Variants in LARP1 observed in about 807,000 individuals in gnomAD.
LARP1 encodes La ribonucleoprotein 1, translational regulator, also known as la-related protein 1.
LARP1 carries 36 observed loss-of-function variants against 122.7 expected under a neutral mutation model. The ratio of observed to expected loss-of-function variants is 0.29; its 90% CI spans 0.22 to 0.39. The LOEUF (loss-of-function observed/expected upper bound fraction) is 0.39. Among genes scored for constraint, LARP1 ranks in the 10% least tolerant of loss-of-function variants. The probability of loss-of-function intolerance (pLI) is 1.00; values close to 1 mark genes in which losing one functional copy is unlikely to be tolerated. For synonymous variants in LARP1, 539 were observed against 528.7 expected (o/e 1.02, Z -0.27); for missense variants, 1,040 against 1,403.6 (o/e 0.74, Z 4.14).
intron 1 of LARP1, among the ~76,000 whole-genome samples, chr5:154,693,075 T>C (rs1582146243): frequency 6.6e-6 from 1 of 150,694 alleles, no homozygotes; most frequent in Non-Finnish European, 1.5e-5. Context: ...TCCTCCTGCC[T>C]CAGCCTCCCA....
chr5:154,804,349 G>A, intron 14 of LARP1, 42 bp downstream of exon 14: 1 of 1,420,588 alleles, frequency 7.0e-7, no homozygotes, highest in South Asian at 1.1e-5. Context: ...GCTGCCTATG[G>A]GATGGGTGGG....
At chr5:154,780,522 A>T (rs779039191) in intron 1 of LARP1, among the ~76,000 whole-genome samples, 1 of 152,178 alleles carries the variant, frequency 6.6e-6, no homozygotes, top group Non-Finnish European at 1.5e-5. Flanking sequence ...TTTGCCAAAG[A>T]GCTCTAGATT....
intron 1 of LARP1, among the ~76,000 whole-genome samples, chr5:154,760,233 G>T (rs775116772): frequency 5.3e-5 from 8 of 152,136 alleles, no homozygotes; most frequent in African/African-American, 7.2e-5. Flanking sequence ...GTGAGCCACC[G>T]CGCCCGGCCC....
chr5:154,755,199 T>C (rs1215366444), upstream of LARP1, among the ~76,000 whole-genome samples: 1 of 148,486 alleles, frequency 6.7e-6, no homozygotes, highest in Non-Finnish European at 1.5e-5. Flanking sequence ...CAGGACCGCG[T>C]AGCCGTGCGC....
rs140273694 is a variant in LARP1, at chr5:154,747,054, C to T, written c.205+33924C>T. ...GCTGAGGCAGAGAATTGCTTGAACCCGGGAGGCGGAGGGTGCAGTGAGCCG... is the reference window on the plus strand; with the variant it reads ...GCTGAGGCAGAGAATTGCTTGAACCTGGGAGGCGGAGGGTGCAGTGAGCCG... On this transcript the variant is annotated intron_variant, in intron 1 of 18. Transcript: ENST00000336314. 5.9e-5 allele frequency among the ~76,000 whole-genome samples: 9 copies of T among 152,104 alleles called. No individual in the cohort carries two copies. In the South Asian group the frequency reaches 1.0e-3, roughly 18 times the overall value.
At position 154,755,984 on chromosome 5, in the gene LARP1, C is replaced by T. The variant is rs1173699731; in HGVS notation, c.227C>T (p.Pro76Leu). The change falls in exon 1 of 19, where the codon CCG (proline) becomes CTG (leucine). Residue 76 changes from proline to leucine, a missense_variant. Pro to Leu is a moderately conservative substitution (Grantham distance 98). Transcript: ENST00000518297. ...EGTGQQERES[P>L]RPLQLPGAEG... ...ACCGGGCAGCAGGAGCGCGAGAGCC[C>T]GCGGCCGCTGCAGCTGCCCGGCGCC... The T allele has an allele frequency of 3.0e-6, 3 of 1,005,814 alleles. No homozygotes were observed. The Admixed American group carries it at 1.8e-4, about 62-fold the overall frequency. 62.3% of individuals were successfully genotyped at this position (1,005,814 alleles called of 1,614,324 possible).
At chr5:154,759,972 C>A (rs1025408884) in intron 1 of LARP1, among the ~76,000 whole-genome samples, 6 of 152,100 alleles carry the variant, frequency 3.9e-5, no homozygotes, top group Non-Finnish European at 8.8e-5. Flanking sequence ...GACAGTCTGG[C>A]TCTGTCGCCC....
intron 1 of LARP1, among the ~76,000 whole-genome samples, chr5:154,691,412 C>G (rs1309905662): frequency 6.6e-6 from 1 of 152,308 alleles, no homozygotes; most frequent in African/African-American, 2.4e-5. Flanking sequence ...CCCTTTCCCC[C>G]GTCTCTGCAG....
chr5:154,795,620 C>T (rs565513266), intron 8 of LARP1, among the ~76,000 whole-genome samples: 1 of 151,934 alleles, frequency 6.6e-6, no homozygotes, highest in South Asian at 2.1e-4. Context: ...TTTATTCTCA[C>T]ATACTACATT....
intron 1 of LARP1, among the ~76,000 whole-genome samples, chr5:154,723,321 G>A (rs1381227097): frequency 6.6e-6 from 1 of 152,184 alleles, no homozygotes; most frequent in Non-Finnish European, 1.5e-5. Flanking sequence ...GAACCCTTGG[G>A]CCATAAGTGG....
intron 1 of LARP1, among the ~76,000 whole-genome samples, chr5:154,770,278 A>T (rs183320051): frequency 6.0e-5 from 9 of 150,928 alleles, no homozygotes; most frequent in African/African-American, 1.7e-4. Context: ...AGACTAGACC[A>T]CTTAAAGAGG....
chr5:154,779,958 G>A (rs867107767), intron 1 of LARP1, among the ~76,000 whole-genome samples: 2 of 152,126 alleles, frequency 1.3e-5, no homozygotes, highest in African/African-American at 4.8e-5. Flanking sequence ...TTCCCAGTTG[G>A]GTTGTAGCAT....
chr5:154,793,483 A>G (rs1757498362), intron 4 of LARP1, 112 bp from the exon 5 acceptor site: 1 of 1,343,344 alleles, frequency 7.4e-7, no homozygotes, highest in East Asian at 2.3e-5. Context: ...GCCCAAGGTA[A>G]CCAGATTGTG....
chr5:154,742,359 C>G lies in LARP1; in HGVS notation c.205+29229C>G, dbSNP rs200502836. Among the ~76,000 whole-genome samples, 45 of 152,158 alleles carry G rather than the reference C, an allele frequency of 3.0e-4. No homozygotes were observed. The East Asian group carries it at 8.1e-3, about 27-fold the overall frequency. On this transcript the variant is annotated intron_variant, in intron 1 of 18. Coordinates refer to the LARP1 transcript ENST00000336314. ...GGTGGATCACTTGAGGCCAGGGGTT[C>G]GAGACCAGCCTGGCCAACATGGCGA...
upstream of LARP1, chr5:154,712,753 G>C (rs376663722): frequency 2.8e-5 from 17 of 616,904 alleles, no homozygotes; most frequent in East Asian, 3.9e-4. Context: ...AGGTGGGGTA[G>C]CCTTGCTCGG....
intron 1 of LARP1, among the ~76,000 whole-genome samples, chr5:154,715,969 A>T (rs1365792235): frequency 6.6e-6 from 1 of 152,202 alleles, no homozygotes; most frequent in African/African-American, 2.4e-5. Flanking sequence ...AAATAAAATT[A>T]CTCAGACAAG....
chr5:154,701,803 A>G (rs1371910663), intron 1 of LARP1, among the ~76,000 whole-genome samples: 2 of 151,828 alleles, frequency 1.3e-5, no homozygotes, highest in African/African-American at 4.8e-5. Flanking sequence ...TTATATTTTT[A>G]GTAGAGATGG....
intron 1 of LARP1, among the ~76,000 whole-genome samples, chr5:154,770,772 T>G (rs1195539406): frequency 6.6e-6 from 1 of 152,136 alleles, no homozygotes; most frequent in East Asian, 1.9e-4. Context: ...AGTCCCACTC[T>G]CTAGTTTCTC....
chr5:154,793,877 T>C lies in LARP1; in HGVS notation c.946T>C (p.Trp316Arg), dbSNP rs766684308. ...ACCAGAGATCAAACCGGAGCCTGCC[T>C]GGCACGACCAGGATGAGACATCGAG... is the stretch of plus-strand genomic sequence containing the variant. The part of the protein sequence containing the change: ...WQPEIKPEPA[W>R]HDQDETSSVK... The change falls in exon 6 of 19, where the codon TGG (tryptophan) becomes CGG (arginine). Residue 316 changes from tryptophan to arginine, a missense_variant. Around this residue, in one of 8 missense-constraint regions of LARP1, gnomAD observed 178 missense variants for 178.3 expected, o/e 1.00. Transcript: ENST00000518297. 6.2e-7 allele frequency: 1 copy of C among 1,614,152 alleles called. No individual in the cohort carries two copies. Among genetic ancestry groups the C allele is most frequent in the Non-Finnish European group, 8.5e-7 (1 of 1,180,012 alleles).
Sources: allele counts gnomAD v4.1 joint callset (sites outside exome capture counted in the v4.1 genomes callset), GRCh38; gene constraint gnomAD v4.1.1; regional missense constraint gnomAD v4.1.1; transcripts MANE v1.5; gene names NCBI Gene and HGNC (gene_info 2026-07-23, HGNC 2026-07-21).